THRB: variants seen among roughly 807,000 people sequenced by gnomAD.
The protein encoded by THRB is thyroid hormone receptor beta, also known as nuclear receptor subfamily 1 group A member 2.
Under a neutral mutation model 47.8 loss-of-function variants are expected in THRB, and 12 were observed. The observed-to-expected ratio is 0.25, with a 90% confidence interval of 0.16 to 0.41. The LOEUF is 0.41. THRB is among the 10% of genes least tolerant of loss of function. The pLI is 1.00. For missense variants in THRB, 348 were observed against 589.2 expected (o/e 0.59, Z 4.24); for synonymous variants, 218 against 212.2 (o/e 1.03, Z -0.24).
intron 4 of THRB, among the ~76,000 whole-genome samples, chr3:24,194,091 A>G (rs2043680081): frequency 6.6e-6 from 1 of 152,208 alleles, no homozygotes; most frequent in African/African-American, 2.4e-5. Context: ...GCAAAGGCAT[A>G]AGAATGATAC....
At chr3:24,297,736 C>G (rs2056567779) in intron 2 of THRB, among the ~76,000 whole-genome samples, 1 of 152,206 alleles carries the variant, frequency 6.6e-6, no homozygotes, top group African/African-American at 2.4e-5. Flanking sequence ...ACACTTGATG[C>G]TGCACATTAT....
At chr3:24,192,242 A>G (rs1466298988) in intron 4 of THRB, among the ~76,000 whole-genome samples, 2 of 152,180 alleles carry the variant, frequency 1.3e-5, no homozygotes, top group African/African-American at 4.8e-5. Flanking sequence ...AACTCATTCA[A>G]GTACCTTTAT....
At chr3:24,138,587 C>A (rs373488611) in intron 8 of THRB, among the ~76,000 whole-genome samples, 1 of 152,180 alleles carries the variant, frequency 6.6e-6, no homozygotes, top group Non-Finnish European at 1.5e-5. Context: ...AAGCATGGAA[C>A]CTTGGCTGTC....
At chr3:24,210,151 C>T (rs1374141164) in intron 4 of THRB, among the ~76,000 whole-genome samples, 5 of 152,144 alleles carry the variant, frequency 3.3e-5, no homozygotes, top group African/African-American at 4.8e-5. Flanking sequence ...ATGCTTACTA[C>T]ACCAAGGAGA....
intron 1 of THRB, among the ~76,000 whole-genome samples, chr3:24,363,529 T>C (rs2064224105): frequency 1.3e-5 from 2 of 152,158 alleles, no homozygotes; most frequent in East Asian, 3.9e-4. Flanking sequence ...CATTCATTTG[T>C]ATGGTGTTTG....
intron 4 of THRB, among the ~76,000 whole-genome samples, chr3:24,194,357 TTA>T (rs1057496317): frequency 1.3e-5 from 2 of 152,182 alleles, no homozygotes; most frequent in African/African-American, 4.8e-5. Flanking sequence ...ATATTTTTTT[TTA>T]AAAAACGAGC....
intron 9 of THRB, among the ~76,000 whole-genome samples, chr3:24,128,336 G>C (rs1292044806): frequency 6.6e-6 from 1 of 152,184 alleles, no homozygotes; most frequent in Non-Finnish European, 1.5e-5. Context: ...GGACTTGAAG[G>C]CAGAGGGGAG....
At chr3:24,128,863 CTTTTTTTTTTTTTTTTTT>C (rs57890674) in intron 9 of THRB, among the ~76,000 whole-genome samples, 1 of 87,042 alleles carries the variant, frequency 1.1e-5, no homozygotes, top group Non-Finnish European at 2.4e-5. Flanking sequence ...AAACATAACT[CTTTTTTTTTTTTTTTTTT>C]TTTTTTTTAC....
chr3:24,232,648 A>T (rs1394598291), intron 3 of THRB, among the ~76,000 whole-genome samples: 1 of 152,194 alleles, frequency 6.6e-6, no homozygotes, highest in Non-Finnish European at 1.5e-5. Context: ...GGTTTTAAGC[A>T]GGGGTGTGAT....
chr3:24,432,046 CA>C (rs2070478710), intron 1 of THRB, among the ~76,000 whole-genome samples: 1 of 152,018 alleles, frequency 6.6e-6, no homozygotes, highest in African/African-American at 2.4e-5. Flanking sequence ...GAGATAGGAT[CA>C]GGGAGGAATA....
At chr3:24,479,011 T>C (rs73150401) in intron 1 of THRB, among the ~76,000 whole-genome samples, 350 of 152,186 alleles carry the variant, frequency 2.3e-3, no homozygotes, top group African/African-American at 7.6e-3. Flanking sequence ...AAATATCCTA[T>C]AATGCGGCCG....
At chr3:24,172,747 G>A (rs2596619) in intron 5 of THRB, among the ~76,000 whole-genome samples, 103,302 of 151,984 alleles carry the variant, frequency 0.68, 35,355 homozygotes, top group South Asian at 0.78. Context: ...AGCAGGCCCA[G>A]TAATTGAACT....
At chr3:24,194,280 AAATT>A (rs1391013752) in intron 4 of THRB, among the ~76,000 whole-genome samples, 1 of 152,230 alleles carries the variant, frequency 6.6e-6, no homozygotes, top group Non-Finnish European at 1.5e-5. Context: ...AATAAATAAA[AAATT>A]AAAAATAAAA....
intron 3 of THRB, among the ~76,000 whole-genome samples, chr3:24,238,264 T>C (rs1458542371): frequency 5.5e-5 from 1 of 18,104 alleles, no homozygotes; most frequent in African/African-American, 1.8e-4. Flanking sequence ...TGTGTGTGTA[T>C]GTGTGTGTGT....
At chr3:24,146,602 A>C in intron 7 of THRB, 73 bp downstream of exon 7, 1 of 1,523,078 alleles carries the variant, frequency 6.6e-7, no homozygotes, top group East Asian at 2.3e-5. Context: ...TTTTCTGCCC[A>C]GTCGATCTCC....
In THRB at chr3:24,395,110, A is replaced by G. The variant is rs980861364; in HGVS notation, c.-260-57739T>C. Reference sequence around the variant, plus strand: ...TGGAACCCTTCCTCATGTCATATGGAAAAATTAACTCAAAATGGATTATAA... The same window carrying G: ...TGGAACCCTTCCTCATGTCATATGGGAAAATTAACTCAAAATGGATTATAA... On this transcript the variant is annotated intron_variant, in intron 1 of 10. Transcript: ENST00000646209. Among the ~76,000 whole-genome samples, 3 of 152,146 alleles carry G rather than the reference A, an allele frequency of 2.0e-5. No homozygotes were observed. In the South Asian group the frequency reaches 6.2e-4, roughly 32 times the overall value.
chr3:24,421,825 A>G (rs549015808), intron 1 of THRB, among the ~76,000 whole-genome samples: 7 of 152,062 alleles, frequency 4.6e-5, no homozygotes, highest in African/African-American at 1.4e-4. Context: ...ATATATTTGC[A>G]TCATCATCTC....
At chr3:24,220,524 A>G (rs1271074231) in intron 4 of THRB, among the ~76,000 whole-genome samples, 3 of 152,166 alleles carry the variant, frequency 2.0e-5, no homozygotes, top group African/African-American at 7.2e-5. Context: ...TCTAATATGC[A>G]GCCAAGTTTG....
intron 2 of THRB, among the ~76,000 whole-genome samples, chr3:24,335,032 G>T (rs184851980): frequency 1.4e-3 from 219 of 152,270 alleles, no homozygotes; most frequent in African/African-American, 5.2e-3. Flanking sequence ...ACAGATAAAA[G>T]TCCAGCTGCA....
Sources: gnomAD v4.1 joint callset for allele counts (sites outside exome capture counted in the v4.1 genomes callset) on GRCh38, gnomAD v4.1.1 for gene constraint, MANE v1.5 for transcripts, NCBI Gene and HGNC (gene_info 2026-07-23, HGNC 2026-07-21) for gene names.